The following UBE2J2 variants were observed in gnomAD, a reference collection of about 807,000 sequenced individuals.
The protein encoded by UBE2J2 is ubiquitin-conjugating enzyme E2 J2.
A neutral mutation model predicts 28.6 loss-of-function variants in UBE2J2; 5 were observed. The observed-to-expected ratio is 0.17, with a 90% confidence interval of 0.09 to 0.37. The LOEUF (loss-of-function observed/expected upper bound fraction) is 0.37. UBE2J2 is among the 10% of genes least tolerant of loss of function. UBE2J2 has a pLI of 1.00. For synonymous variants in UBE2J2, 138 were observed against 139.7 expected (o/e 0.99, Z 0.09); for missense variants, 226 against 338.9 (o/e 0.67, Z 2.62).
At chr1:1,260,027 T>A (rs1639463625) in intron 3 of UBE2J2, among the ~76,000 whole-genome samples, 1 of 152,228 alleles carries the variant, frequency 6.6e-6, no homozygotes, top group Non-Finnish European at 1.5e-5. Flanking sequence ...ACGGCTTCAC[T>A]GTCTGCCTCC....
At chr1:1,257,407 C>CCCCCCCCCCCCCG in intron 3 of UBE2J2, 97 bp from the exon 4 acceptor site, 2 of 554,658 alleles carry the variant, frequency 3.6e-6, no homozygotes, top group South Asian at 2.2e-5. Context: ...CCCCCCCCCC[C>CCCCCCCCCCCCCG]CTCAGCTCGG....
At chr1:1,257,407 C>CCCCCCCCCCCCCCCCCCCCG (rs1553154853) in intron 3 of UBE2J2, 97 bp from the exon 4 acceptor site, 1 of 553,958 alleles carries the variant, frequency 1.8e-6, no homozygotes, top group African/African-American at 5.7e-5. Flanking sequence ...CCCCCCCCCC[C>CCCCCCCCCCCCCCCCCCCCG]CTCAGCTCGG....
In UBE2J2 at chr1:1,268,192, C is replaced by G. The variant is rs566425434; in HGVS notation, c.1-200G>C. ...TGCGGCTTCTCTCTTCCCGTCTGTCCCGCCACCACCTTCATTGACACGACG... is the reference window on the plus strand; with the variant it reads ...TGCGGCTTCTCTCTTCCCGTCTGTCGCGCCACCACCTTCATTGACACGACG... On this transcript the variant is annotated intron_variant, in intron 1 of 6. Coordinates refer to ENST00000349431, the MANE Select transcript of UBE2J2 (RefSeq NM_058167.3). The surrounding 1 kb of genome is among the most constrained non-coding windows in gnomAD (Gnocchi z 4.7). Among the ~76,000 whole-genome samples, 1 of 152,240 alleles carries G rather than the reference C, an allele frequency of 6.6e-6. No individual in the cohort carries two copies. The highest frequency in any genetic ancestry group is 6.5e-5 in the Admixed American group (1 of 15,290).
At chr1:1,271,991 A>ATAAAATAAAAT (rs1298201978) in intron 1 of UBE2J2, among the ~76,000 whole-genome samples, 1 of 149,024 alleles carries the variant, frequency 6.7e-6, no homozygotes, top group African/African-American at 2.5e-5. Context: ...AAAAAAAAAA[A>ATAAAATAAAAT]AAAAAAAAAA....
intron 3 of UBE2J2, among the ~76,000 whole-genome samples, chr1:1,259,809 G>A (rs367585699): frequency 1.4e-4 from 22 of 152,140 alleles, no homozygotes; most frequent in African/African-American, 3.9e-4. Context: ...GCTCGTGCCC[G>A]CTTGTATTAA....
chr1:1,267,144 C>T (rs1022231907), intron 2 of UBE2J2, among the ~76,000 whole-genome samples: 3 of 152,218 alleles, frequency 2.0e-5, no homozygotes, highest in Admixed American at 1.3e-4. Flanking sequence ...CCGCCTGAGC[C>T]TCCCAAAGTG....
At chr1:1,266,099 T>TGC (rs1372580067) in intron 2 of UBE2J2, 1 of 1,304,038 alleles carries the variant, frequency 7.7e-7, no homozygotes, top group African/African-American at 1.5e-5. Flanking sequence ...CCCTCTCACC[T>TGC]GCCAGCGATG....
chr1:1,261,483 C>T (rs6659787), intron 3 of UBE2J2, among the ~76,000 whole-genome samples: 4 of 152,204 alleles, frequency 2.6e-5, no homozygotes, highest in South Asian at 2.1e-4. Context: ...GTTGGGGGAG[C>T]AGCTCATCTC....
chr1:1,272,559 G>A (rs531385549), intron 1 of UBE2J2, among the ~76,000 whole-genome samples: 1 of 151,578 alleles, frequency 6.6e-6, no homozygotes, highest in African/African-American at 2.4e-5. Context: ...GAGGCTGGAC[G>A]GAAGCCCGGG....
chr1:1,265,176 T>C (rs556379667), intron 2 of UBE2J2, among the ~76,000 whole-genome samples: 1 of 152,198 alleles, frequency 6.6e-6, no homozygotes, highest in African/African-American at 2.4e-5. Flanking sequence ...GAAGATGGGA[T>C]CCACGTGGCC....
At chr1:1,269,206 A>G (rs560557136) in intron 1 of UBE2J2, among the ~76,000 whole-genome samples, 27 of 143,036 alleles carry the variant, frequency 1.9e-4, no homozygotes, top group African/African-American at 7.0e-4. Context: ...TGGATCAGGG[A>G]CCCCAAGGCC....
At chr1:1,266,379 A>T (rs1419574646) in intron 2 of UBE2J2, 4 of 263,532 alleles carry the variant, frequency 1.5e-5, no homozygotes, top group African/African-American at 9.1e-5. Flanking sequence ...ATCACCTGAG[A>T]TAAGGAGTTC....
intron 2 of UBE2J2, among the ~76,000 whole-genome samples, chr1:1,267,440 C>G (rs1197313009): frequency 1.3e-5 from 2 of 152,182 alleles, no homozygotes; most frequent in East Asian, 3.9e-4. Flanking sequence ...ATTCCCATAT[C>G]CAGAAGCAAA....
rs1639977708 is a variant in UBE2J2 at position 1,268,262 on chromosome 1, C to T, written c.1-270G>A. Among the ~76,000 whole-genome samples the T allele has an allele frequency of 6.6e-6, 1 of 152,160 alleles. No individual in the cohort carries two copies. The highest frequency in any genetic ancestry group is 2.4e-5 in the African/African-American group (1 of 41,438). On this transcript the variant is annotated intron_variant, in intron 1 of 6. Transcript: ENST00000349431. This position sits in a 1 kb window ranked among gnomAD's most constrained non-coding sequence, Gnocchi z 4.7. ...CGAGGAGAAACCCAAAGCCTCGTTC[C>T]TGTCCTCCAAAAACTCACGCAGGGA...
At position 1,257,139 on chromosome 1, in the gene UBE2J2, C is replaced by CG. The variant is rs1639231670; in HGVS notation, c.276-10dup. 1 of 1,609,030 alleles carries CG rather than the reference C, an allele frequency of 6.2e-7. No homozygotes were observed. Among genetic ancestry groups the CG allele is most frequent in the Non-Finnish European group, 8.5e-7 (1 of 1,177,234 alleles). ...TGATAGAAAGACACAGCCTGCAAAA[C>CG]GGGGGCCCCGTCAGTGCACACTCCC... is the stretch of plus-strand genomic sequence containing the variant. On this transcript the variant is annotated splice_polypyrimidine_tract_variant and intron_variant, in intron 4 of 6. Transcript: ENST00000349431.
chr1:1,258,664 T>A (rs1639352681), intron 3 of UBE2J2, among the ~76,000 whole-genome samples: 1 of 152,132 alleles, frequency 6.6e-6, no homozygotes, highest in African/African-American at 2.4e-5. Context: ...GACGCCCCCA[T>A]CCAGGACAGA....
At chr1:1,267,252 G>A (rs1349005996) in intron 2 of UBE2J2, among the ~76,000 whole-genome samples, 1 of 152,148 alleles carries the variant, frequency 6.6e-6, no homozygotes, top group Non-Finnish European at 1.5e-5. Flanking sequence ...CGACAGAGCA[G>A]TATGCACTCT....
intron 3 of UBE2J2, among the ~76,000 whole-genome samples, chr1:1,260,527 G>A (rs1355523300): frequency 6.6e-6 from 1 of 152,200 alleles, no homozygotes; most frequent in African/African-American, 2.4e-5. Flanking sequence ...CTATCCCACT[G>A]CTTGTCACCC....
At position 1,256,978 on chromosome 1, in the gene UBE2J2, G is replaced by A. The variant is rs1445271103; in HGVS notation, c.414+14C>T. 6.6e-7 allele frequency: 1 copy of A among 1,523,198 alleles called. No homozygotes were observed. The highest frequency in any genetic ancestry group is 8.8e-7 in the Non-Finnish European group (1 of 1,132,680). 94.4% of individuals were successfully genotyped at this position (1,523,198 alleles called of 1,614,324 possible). On this transcript the variant is annotated intron_variant, in intron 5 of 6. Coordinates refer to ENST00000349431, the MANE Select transcript of UBE2J2 (RefSeq NM_058167.3). Reference sequence around the variant, plus strand: ...AAGGCTGACGGCCCACCAGGGAGAGGCTCTAAAACTTACCGTGAAGTCCGA... The same window carrying A: ...AAGGCTGACGGCCCACCAGGGAGAGACTCTAAAACTTACCGTGAAGTCCGA...
Sources: gnomAD v4.1 joint callset for allele counts (sites outside exome capture counted in the v4.1 genomes callset) on GRCh38, gnomAD v4.1.1 for gene constraint, Gnocchi (gnomAD v3.1) non-coding constraint, MANE v1.5 for transcripts, NCBI Gene and HGNC (gene_info 2026-07-23, HGNC 2026-07-21) for gene names.